JAKMIP2: variants seen among roughly 807,000 people sequenced by gnomAD.
JAKMIP2 encodes the protein janus kinase and microtubule-interacting protein 2.
Under a neutral mutation model 115.0 loss-of-function variants are expected in JAKMIP2, and 25 were observed. That is an observed-to-expected ratio of 0.22 (90% CI 0.16 to 0.30). The LOEUF (loss-of-function observed/expected upper bound fraction) is 0.30, where lower values mean the gene tolerates loss of function less well. Ranked by LOEUF, JAKMIP2 falls within the 10% of genes least tolerant of loss-of-function variation. The pLI is 1.00. For synonymous variants in JAKMIP2, 334 were observed against 343.6 expected (o/e 0.97, Z 0.31); for missense variants, 642 against 957.6 (o/e 0.67, Z 4.35).
intron 1 of JAKMIP2, among the ~76,000 whole-genome samples, chr5:147,718,688 G>A (rs189803654): frequency 4.6e-5 from 7 of 152,250 alleles, no homozygotes; most frequent in African/African-American, 1.4e-4. Context: ...GGGATCGGTC[G>A]TGATATCCCC....
chr5:147,687,146 ATAC>A (rs1263873648), intron 1 of JAKMIP2, among the ~76,000 whole-genome samples: 1 of 152,164 alleles, frequency 6.6e-6, no homozygotes, highest in Non-Finnish European at 1.5e-5. Context: ...TGACAGATGA[ATAC>A]TACTACTACT....
chr5:147,642,304 T>C (rs960666523), intron 7 of JAKMIP2, among the ~76,000 whole-genome samples: 1 of 152,148 alleles, frequency 6.6e-6, no homozygotes, highest in African/African-American at 2.4e-5. Context: ...TGTTTTGTCT[T>C]CAGTTTTTAA....
intron 1 of JAKMIP2, among the ~76,000 whole-genome samples, chr5:147,719,678 T>A (rs993484368): frequency 1.9e-4 from 29 of 151,158 alleles, no homozygotes; most frequent in Non-Finnish European, 3.8e-4. Context: ...AACCCCTGCC[T>A]TTTTTTGTTT....
chr5:147,647,758 A>T (rs1005084085), intron 5 of JAKMIP2, among the ~76,000 whole-genome samples: 2 of 152,180 alleles, frequency 1.3e-5, no homozygotes, highest in Non-Finnish European at 2.9e-5. Context: ...ATAACTATTG[A>T]TGCTGACTAC....
intron 1 of JAKMIP2, among the ~76,000 whole-genome samples, chr5:147,707,861 C>A (rs1052763634): frequency 2.0e-5 from 3 of 152,058 alleles, no homozygotes; most frequent in African/African-American, 7.2e-5. Flanking sequence ...TGATTTGAAC[C>A]AAATGCTTCC....
At chr5:147,616,958 G>A (rs985112816) in intron 19 of JAKMIP2, among the ~76,000 whole-genome samples, 3 of 152,058 alleles carry the variant, frequency 2.0e-5, no homozygotes, top group Admixed American at 6.6e-5. Context: ...ATGACCACAC[G>A]ATTCTTACCG....
Position 147,615,894 on chromosome 5 carries a change from T to C in JAKMIP2, c.2346+2017A>G, listed in dbSNP as rs138159857. ...AGAACATTTGGCAGTACCTGGAAGC[T>C]GGTGGAATAATGAAAGGTCCTGCAC... is the stretch of plus-strand genomic sequence containing the variant. On this transcript the variant is annotated intron_variant, in intron 19 of 21. Transcript: ENST00000616793. Among the ~76,000 whole-genome samples the C allele has an allele frequency of 4.0e-4, 61 of 152,140 alleles. 1 individual carries two copies. In the East Asian group the frequency reaches 0.011, roughly 28 times the overall value.
chr5:147,631,535 T>C (rs374390093), intron 13 of JAKMIP2, 24 bp from the exon 14 acceptor site: 54 of 1,482,884 alleles, frequency 3.6e-5, no homozygotes, highest in South Asian at 5.7e-5. Flanking sequence ...GAAGAATATA[T>C]GGAAATTAAA....
chr5:147,654,704 T>G (rs1238115046), intron 3 of JAKMIP2, among the ~76,000 whole-genome samples: 1 of 152,182 alleles, frequency 6.6e-6, no homozygotes, highest in East Asian at 1.9e-4. Context: ...TACGCTTGAT[T>G]TCTTTCTCTT....
At chr5:147,633,148 T>C (rs1329336433) in intron 12 of JAKMIP2, among the ~76,000 whole-genome samples, 2 of 152,236 alleles carry the variant, frequency 1.3e-5, no homozygotes, top group Admixed American at 6.5e-5. Context: ...TCTCGAGTTA[T>C]ATTTGTTACA....
intron 20 of JAKMIP2, 159 bp downstream of exon 20, chr5:147,612,147 T>C: frequency 1.3e-6 from 1 of 743,594 alleles, no homozygotes; most frequent in Non-Finnish European, 2.5e-6. Flanking sequence ...TTTGCTGGCA[T>C]TCTGTTTGAC....
At chr5:147,613,781 G>T (rs544694164) in intron 19 of JAKMIP2, among the ~76,000 whole-genome samples, 1 of 152,282 alleles carries the variant, frequency 6.6e-6, no homozygotes, top group South Asian at 2.1e-4. Context: ...CTGAAATTGA[G>T]AAACTCTTCT....
chr5:147,665,985 C>A (rs577082524), intron 2 of JAKMIP2, among the ~76,000 whole-genome samples: 1 of 152,160 alleles, frequency 6.6e-6, no homozygotes, highest in South Asian at 2.1e-4. Flanking sequence ...TGTATTCCAG[C>A]CTGAAGACAA....
intron 1 of JAKMIP2, among the ~76,000 whole-genome samples, chr5:147,698,832 C>A (rs1752211258): frequency 6.6e-6 from 1 of 152,148 alleles, no homozygotes; most frequent in Non-Finnish European, 1.5e-5. Context: ...TGAGAATGGA[C>A]TAATATAGCT....
chr5:147,682,050 A>AAAAAAG lies in JAKMIP2; in HGVS notation c.-148-10097_-148-10096insCTTTTT, dbSNP rs71001451. On this transcript the variant is annotated intron_variant, in intron 1 of 21. Coordinates refer to ENST00000616793, the MANE Select transcript of JAKMIP2 (RefSeq NM_001270941.2). ...ATGAAACTCTGTTTCAAAAAAAAAA[A>AAAAAAG]AAAGAAAGAAAAATAAAAGTGACAT... Among the ~76,000 whole-genome samples the AAAAAAG allele has an allele frequency of 5.2e-3, 782 of 148,980 alleles. 12 individuals are homozygous for AAAAAAG. Among genetic ancestry groups the AAAAAAG allele is most frequent in the African/African-American group, 0.018 (717 of 39,866 alleles).
At chr5:147,778,229 G>A (rs548688825) in intron 1 of JAKMIP2, among the ~76,000 whole-genome samples, 1 of 152,192 alleles carries the variant, frequency 6.6e-6, no homozygotes, top group East Asian at 1.9e-4. Context: ...ACGTTTTTCT[G>A]ATATATCAAG....
rs532669250 is a variant in JAKMIP2, at chr5:147,598,202, T to C, written c.*20+3539A>G. ...TTTTATTAGAGACGCGGTTTCACCA[T>C]ATTGGCCAGGCTGGTTTTGAACTCC... On this transcript the variant is annotated intron_variant, in intron 21 of 21. Coordinates refer to ENST00000616793, the MANE Select transcript of JAKMIP2 (RefSeq NM_001270941.2). Among the ~76,000 whole-genome samples, 75 of 152,198 alleles carry C rather than the reference T, an allele frequency of 4.9e-4. No individual in the cohort carries two copies. In the South Asian group the frequency reaches 0.015, roughly 30 times the overall value.
intron 1 of JAKMIP2, among the ~76,000 whole-genome samples, chr5:147,702,423 GAGGAAGGAAGGAAGGT>G (rs1212713827): frequency 1.6e-5 from 2 of 128,196 alleles, no homozygotes; most frequent in African/African-American, 6.7e-5. Context: ...AAGAAAGAAA[GAGGAAGGAAGGAAGGT>G]AGGAAGGAAG....
chr5:147,595,257 T>G (rs1046181114), intron 21 of JAKMIP2, among the ~76,000 whole-genome samples: 1 of 152,208 alleles, frequency 6.6e-6, no homozygotes, highest in Non-Finnish European at 1.5e-5. Flanking sequence ...CCCTCCAAAA[T>G]TCATGCTGAA....
Sources: gnomAD v4.1 joint callset for allele counts (sites outside exome capture counted in the v4.1 genomes callset) on GRCh38, gnomAD v4.1.1 for gene constraint, MANE v1.5 for transcripts, NCBI Gene and HGNC (gene_info 2026-07-23, HGNC 2026-07-21) for gene names.